Variants in RBL1 observed in about 807,000 individuals in gnomAD.
RBL1 encodes RB transcriptional corepressor like 1, also known as retinoblastoma-like protein 1.
Under a neutral mutation model 123.0 loss-of-function variants are expected in RBL1, and 82 were observed. That is an observed-to-expected ratio of 0.67 (90% CI 0.56 to 0.80). The LOEUF (loss-of-function observed/expected upper bound fraction) is 0.80. Among genes scored for constraint, RBL1 ranks in the 30% least tolerant of loss-of-function variants. RBL1 has a pLI of 0.00. For missense variants in RBL1, 1,171 were observed against 1,299.6 expected, an observed-to-expected ratio of 0.90 and a Z score of 1.52; for synonymous variants, 405 against 441.3, an observed-to-expected ratio of 0.92 and a Z score of 1.03.
At chr20:37,082,073 T>C in intron 2 of RBL1, 1 of 453,762 alleles carries the variant, frequency 2.2e-6, no homozygotes, top group Non-Finnish European at 4.4e-6. Context: ...CGGGGGAGCC[T>C]GCAAGGCTGG....
chr20:37,005,889 T>TC (rs1568814317), intron 20 of RBL1, among the ~76,000 whole-genome samples: 2 of 124,284 alleles, frequency 1.6e-5, no homozygotes, highest in East Asian at 4.7e-4. Context: ...TTTTTTTTTT[T>TC]CTTTCTTTTT....
chr20:37,007,601 T>C, intron 19 of RBL1, 42 bp from the exon 20 acceptor site: 1 of 1,596,456 alleles, frequency 6.3e-7, no homozygotes, highest in Non-Finnish European at 8.5e-7. Context: ...AGCATACTTT[T>C]TATTTTTTTG....
chr20:37,068,115 C>T lies in RBL1; in HGVS notation c.362G>A (p.Arg121His), dbSNP rs1021741402. Residue 121 changes from arginine to histidine, a missense_variant, in exon 3 of 22, where the codon CGT becomes CAT. Physicochemically the swap from Arg to His is conservative, Grantham distance 29. Coordinates refer to ENST00000373664, the MANE Select transcript of RBL1 (RefSeq NM_002895.5). ...AAAATTTCTCTCTAGCCTTTCTATA[C>T]GTTCACGAAATTCTTGTGGTAGATT... ...MSNLPQEFRE[R>H]IERLERNFEV... The T allele has an allele frequency of 4.5e-5, 72 of 1,612,532 alleles. No individual in the cohort carries two copies. The highest frequency in any genetic ancestry group is 5.8e-5 in the Non-Finnish European group (68 of 1,179,690).
intron 19 of RBL1, among the ~76,000 whole-genome samples, chr20:37,008,986 A>T (rs1355824131): frequency 1.3e-5 from 2 of 151,920 alleles, no homozygotes; most frequent in Non-Finnish European, 2.9e-5. Flanking sequence ...TTAATTCCAT[A>T]CTTCCCCAGT....
At chr20:37,033,619 T>A (rs897396568) in intron 15 of RBL1, among the ~76,000 whole-genome samples, 4 of 150,962 alleles carry the variant, frequency 2.6e-5, no homozygotes, top group Non-Finnish European at 5.9e-5. Flanking sequence ...CTGGACTTTT[T>A]TTTTTTTTTT....
intron 19 of RBL1, among the ~76,000 whole-genome samples, chr20:37,009,739 C>T (rs2064123703): frequency 6.6e-6 from 1 of 152,082 alleles, no homozygotes. Flanking sequence ...TGTGTCATTC[C>T]AATTCCAGCT....
chr20:37,049,690 AAAC>A (rs1233228042), intron 11 of RBL1: 1 of 738,062 alleles, frequency 1.4e-6, no homozygotes, highest in Non-Finnish European at 2.5e-6. Context: ...CTGCTTCAAC[AAAC>A]CAGAAGATAA....
chr20:37,000,385 G>A lies in RBL1; in HGVS notation c.3037-1456C>T, dbSNP rs1449765410. On this transcript the variant is annotated intron_variant, in intron 21 of 21. Transcript: ENST00000373664. ...AGGGAGGTGGGGGGGTTAGCCCCCC[G>A]CCCGGCCAGCCGCCCCATCCAGGAG... Among the ~76,000 whole-genome samples, 12 of 118,030 alleles carry A rather than the reference G, an allele frequency of 1.0e-4. 1 individual carries two copies. The highest frequency in any genetic ancestry group is 1.1e-3 in the East Asian group (2 of 1,876). 77.4% of individuals were successfully genotyped at this position (118,030 alleles called of 152,430 possible).
chr20:37,048,108 G>A (rs2064846055), intron 11 of RBL1, among the ~76,000 whole-genome samples: 1 of 152,200 alleles, frequency 6.6e-6, no homozygotes, highest in Non-Finnish European at 1.5e-5. Flanking sequence ...CACAATATAT[G>A]AAGGATGACA....
chr20:37,045,836 G>A (rs1318962858), intron 12 of RBL1, among the ~76,000 whole-genome samples: 1 of 151,988 alleles, frequency 6.6e-6, no homozygotes. Flanking sequence ...TTTAATTCAG[G>A]CATACTTTAG....
At chr20:37,081,859 G>C (rs918355922) in intron 2 of RBL1, 24 of 352,598 alleles carry the variant, frequency 6.8e-5, no homozygotes, top group African/African-American at 5.2e-4. Context: ...CCAAAATTAG[G>C]AAGATTTGAA....
At chr20:37,031,172 AC>A (rs2064505498) in intron 16 of RBL1, among the ~76,000 whole-genome samples, 1 of 152,222 alleles carries the variant, frequency 6.6e-6, no homozygotes, top group African/African-American at 2.4e-5. Flanking sequence ...AAAAGCACAG[AC>A]AAAAAATGAA....
At chr20:37,012,549 G>A (rs1306153842) in intron 19 of RBL1, among the ~76,000 whole-genome samples, 3 of 145,866 alleles carry the variant, frequency 2.1e-5, no homozygotes, top group Admixed American at 6.8e-5. Context: ...GCCTCTACCC[G>A]GCCGCGACCC....
intron 14 of RBL1, among the ~76,000 whole-genome samples, chr20:37,038,096 A>G (rs1415300718): frequency 6.7e-6 from 1 of 149,766 alleles, no homozygotes; most frequent in Non-Finnish European, 1.5e-5. Context: ...GGTTCAAGCA[A>G]TTCTACTGCC....
At chr20:37,007,630 T>C in intron 19 of RBL1, 71 bp from the exon 20 acceptor site, 1 of 1,492,020 alleles carries the variant, frequency 6.7e-7, no homozygotes. Context: ...TCTCACTTTG[T>C]CACCCAGGGT....
At chr20:37,079,693 G>A (rs920026953) in intron 2 of RBL1, among the ~76,000 whole-genome samples, 1 of 151,876 alleles carries the variant, frequency 6.6e-6, no homozygotes, top group African/African-American at 2.4e-5. Flanking sequence ...TGTTGCCCAG[G>A]CTGGTCCTGA....
At chr20:37,077,805 TTC>T (rs771417925) in intron 2 of RBL1, among the ~76,000 whole-genome samples, 44 of 139,346 alleles carry the variant, frequency 3.2e-4, no homozygotes, top group Non-Finnish European at 5.5e-4. Flanking sequence ...AAAAAAAAAA[TTC>T]TCTTACATAA....
intron 9 of RBL1, among the ~76,000 whole-genome samples, chr20:37,060,361 G>A (rs1272062015): frequency 6.6e-6 from 1 of 152,006 alleles, no homozygotes; most frequent in East Asian, 1.9e-4. Flanking sequence ...TAAAGTCAAT[G>A]TAAAATCAAA....
At chr20:37,032,332 C>G (rs764641097) in intron 16 of RBL1, among the ~76,000 whole-genome samples, 2 of 152,056 alleles carry the variant, frequency 1.3e-5, no homozygotes, top group Non-Finnish European at 2.9e-5. Flanking sequence ...AAACAAATAT[C>G]GTATGACTTC....
Sources: allele counts gnomAD v4.1 joint callset (sites outside exome capture counted in the v4.1 genomes callset), GRCh38; gene constraint gnomAD v4.1.1; transcripts MANE v1.5; gene names NCBI Gene and HGNC (gene_info 2026-07-23, HGNC 2026-07-21).